The following YTHDF2 variants were observed in gnomAD, a reference collection of about 807,000 sequenced individuals.
YTHDF2 encodes YTH domain-containing family protein 2.
A neutral mutation model predicts 50.4 loss-of-function variants in YTHDF2; 2 were observed. The observed-to-expected ratio is 0.04, with a 90% CI of 0.02 to 0.12. The LOEUF (loss-of-function observed/expected upper bound fraction) is 0.12. YTHDF2 is among the 10% of genes least tolerant of loss of function. The probability of loss-of-function intolerance (pLI) is 1.00; values close to 1 mark genes in which losing one functional copy is unlikely to be tolerated. For synonymous variants in YTHDF2, 217 were observed against 255.6 expected (o/e 0.85, Z 1.44); for missense variants, 483 against 722.6 (o/e 0.67, Z 3.80).
chr1:28,737,464 G>C (rs1424856531), intron 1 of YTHDF2, 194 bp from the exon 2 acceptor site: 1 of 740,308 alleles, frequency 1.4e-6, no homozygotes, highest in Non-Finnish European at 2.1e-6. Context: ...CGTCTGCCGC[G>C]TTTTCTCCCC....
intron 4 of YTHDF2, among the ~76,000 whole-genome samples, chr1:28,767,541 C>CTT (rs1278549779): frequency 6.6e-6 from 1 of 151,838 alleles, no homozygotes; most frequent in Non-Finnish European, 1.5e-5. Flanking sequence ...TAGAGTCTCG[C>CTT]TTTGTCGCCC....
At chr1:28,768,109 A>G (rs1422872190) in intron 4 of YTHDF2, among the ~76,000 whole-genome samples, 2 of 151,818 alleles carry the variant, frequency 1.3e-5, no homozygotes, top group East Asian at 2.0e-4. Context: ...GCTGAGGCAG[A>G]ATGGCTTGAA....
chr1:28,758,281 C>T (rs1052236756), intron 4 of YTHDF2, among the ~76,000 whole-genome samples: 1 of 151,856 alleles, frequency 6.6e-6, no homozygotes, highest in African/African-American at 2.4e-5. Context: ...TGGAAGGATC[C>T]CCTGAGCCCA....
chr1:28,768,681 T>C (rs1352025659), intron 4 of YTHDF2, among the ~76,000 whole-genome samples: 1 of 152,194 alleles, frequency 6.6e-6, no homozygotes, highest in East Asian at 1.9e-4. Flanking sequence ...AGTATTAATC[T>C]AAACAGTATA....
chr1:28,758,694 A>C (rs1202467516), intron 4 of YTHDF2, among the ~76,000 whole-genome samples: 1 of 152,216 alleles, frequency 6.6e-6, no homozygotes, highest in Non-Finnish European at 1.5e-5. Flanking sequence ...GTCATGTTAT[A>C]CATGAACTGC....
intron 4 of YTHDF2, among the ~76,000 whole-genome samples, chr1:28,760,405 C>T (rs939874341): frequency 6.6e-6 from 1 of 151,992 alleles, no homozygotes; most frequent in African/African-American, 2.4e-5. Context: ...CACCATTCTC[C>T]TGCCTTAGCC....
intron 3 of YTHDF2, chr1:28,739,151 TAC>T (rs1459111635): frequency 6.6e-6 from 1 of 152,178 alleles, no homozygotes; most frequent in African/African-American, 2.4e-5. Flanking sequence ...TCTACGATCA[TAC>T]CTGTGAAAAG....
chr1:28,756,788 T>TAAG (rs1216487864), intron 4 of YTHDF2, among the ~76,000 whole-genome samples: 1 of 135,504 alleles, frequency 7.4e-6, no homozygotes, highest in African/African-American at 3.9e-5. Flanking sequence ...GCATTGGCTT[T>TAAG]GCCTGCCTGC....
intron 4 of YTHDF2, among the ~76,000 whole-genome samples, chr1:28,756,006 AGTGATG>A (rs1305073825): frequency 5.9e-5 from 9 of 152,330 alleles, no homozygotes; most frequent in African/African-American, 2.2e-4. Flanking sequence ...TGCAGATGCC[AGTGATG>A]TCTGTTGAAT....
At chr1:28,736,631 G>C (rs2087689479), upstream of YTHDF2, 3 of 156,422 alleles carry the variant, frequency 1.9e-5, no homozygotes, top group African/African-American at 7.2e-5. Flanking sequence ...AGTCTTTCCA[G>C]GTGTTAGTCG....
intron 4 of YTHDF2, among the ~76,000 whole-genome samples, chr1:28,768,053 T>C (rs1450832363): frequency 6.6e-6 from 1 of 151,556 alleles, no homozygotes; most frequent in Non-Finnish European, 1.5e-5. Flanking sequence ...ATAGAAAAAA[T>C]TAGCCAGGCA....
At chr1:28,747,921 C>G (rs192014935) in intron 4 of YTHDF2, among the ~76,000 whole-genome samples, 7 of 151,056 alleles carry the variant, frequency 4.6e-5, no homozygotes, top group Non-Finnish European at 7.4e-5. Context: ...GTCAGGAGAT[C>G]AAGACCATCC....
intron 3 of YTHDF2, 136 bp from the exon 4 acceptor site, chr1:28,742,256 AAGTGTAGGGAT>A: frequency 2.1e-5 from 21 of 1,020,914 alleles, no homozygotes; most frequent in Non-Finnish European, 2.9e-5. Context: ...CCACCTCCCA[AAGTGTAGGGAT>A]TACAGGTGTG....
At chr1:28,765,109 T>C (rs372003623) in intron 4 of YTHDF2, among the ~76,000 whole-genome samples, 21 of 152,214 alleles carry the variant, frequency 1.4e-4, no homozygotes, top group African/African-American at 4.8e-4. Flanking sequence ...CACTGCATCC[T>C]CCTGCCTTCA....
upstream of YTHDF2, chr1:28,736,923 C>T: frequency 1.6e-6 from 1 of 609,552 alleles, no homozygotes; most frequent in Non-Finnish European, 2.8e-6. Context: ...TAGAGACGGG[C>T]ATTGAGCTCT....
intron 4 of YTHDF2, among the ~76,000 whole-genome samples, chr1:28,748,638 T>G (rs1172345084): frequency 1.3e-5 from 2 of 152,198 alleles, no homozygotes. Flanking sequence ...GGCTTGAAAC[T>G]TAGAGCAAAT....
At chr1:28,751,506 A>G (rs2087952547) in intron 4 of YTHDF2, among the ~76,000 whole-genome samples, 1 of 152,200 alleles carries the variant, frequency 6.6e-6, no homozygotes, top group African/African-American at 2.4e-5. Flanking sequence ...TTGCAGATAA[A>G]TATACTTGTT....
At chr1:28,738,003 G>C (rs1011978932) in intron 2 of YTHDF2, among the ~76,000 whole-genome samples, 1 of 152,140 alleles carries the variant, frequency 6.6e-6, no homozygotes, top group Non-Finnish European at 1.5e-5. Context: ...TGTGATGGGG[G>C]AGGGGAAGCG....
In YTHDF2 at chr1:28,756,216, A is replaced by G. The variant is rs940359403; in HGVS notation, c.1716+12230A>G. Among the ~76,000 whole-genome samples the G allele has an allele frequency of 2.6e-5, 4 of 152,218 alleles. No individual in the cohort carries two copies. The South Asian group carries it at 6.2e-4, about 24-fold the overall frequency. On this transcript the variant is annotated intron_variant, in intron 4 of 4. Coordinates refer to ENST00000373812, the MANE Select transcript of YTHDF2 (RefSeq NM_016258.3). ...TTTTGGTGAAATAGACTATGTAAAA[A>G]TGTCTGAAATACAGAGTTGAATATG...
Sources: allele counts gnomAD v4.1 joint callset (sites outside exome capture counted in the v4.1 genomes callset), GRCh38; gene constraint gnomAD v4.1.1; transcripts MANE v1.5; gene names NCBI Gene and HGNC (gene_info 2026-07-23, HGNC 2026-07-21).